Variants in SGCZ observed in about 807,000 individuals in gnomAD.
SGCZ encodes zeta-sarcoglycan.
Under a neutral mutation model 41.3 loss-of-function variants are expected in SGCZ, and 40 were observed. The ratio of observed to expected loss-of-function variants is 0.97; its 90% confidence interval spans 0.75 to 1.26. The LOEUF (loss-of-function observed/expected upper bound fraction) is 1.26. SGCZ is among the 50% of genes most tolerant of loss of function. SGCZ has a pLI of 0.00. For synonymous variants in SGCZ, 206 were observed against 137.5 expected (o/e 1.50, Z -3.49); for missense variants, 552 against 369.8 (o/e 1.49, Z -4.04).
intron 1 of SGCZ, among the ~76,000 whole-genome samples, chr8:14,739,399 C>G (rs1323779995): frequency 6.6e-6 from 1 of 151,906 alleles, no homozygotes; most frequent in Non-Finnish European, 1.5e-5. Flanking sequence ...CATTAATTAT[C>G]CACAAACTTC....
At chr8:14,940,779 A>G (rs1035337448) in intron 1 of SGCZ, among the ~76,000 whole-genome samples, 2 of 152,158 alleles carry the variant, frequency 1.3e-5, no homozygotes, top group East Asian at 1.9e-4. Flanking sequence ...TTGTGTACAC[A>G]TGGTCAAAGA....
At chr8:14,940,004 G>T (rs1193969922) in intron 1 of SGCZ, among the ~76,000 whole-genome samples, 1 of 152,132 alleles carries the variant, frequency 6.6e-6, no homozygotes, top group African/African-American at 2.4e-5. Flanking sequence ...ACAGTCAATA[G>T]AAGTAATTCA....
chr8:14,782,291 T>G (rs1449262530), intron 1 of SGCZ, among the ~76,000 whole-genome samples: 1 of 152,214 alleles, frequency 6.6e-6, no homozygotes, highest in African/African-American at 2.4e-5. Flanking sequence ...GAAAATCAGA[T>G]TTCAATACAG....
chr8:14,212,027 G>C (rs143438523), intron 4 of SGCZ, among the ~76,000 whole-genome samples: 1 of 152,218 alleles, frequency 6.6e-6, no homozygotes, highest in East Asian at 1.9e-4. Flanking sequence ...GATAGTGACT[G>C]TTCCTCTATC....
chr8:14,383,404 T>C (rs770324510), intron 2 of SGCZ, among the ~76,000 whole-genome samples: 1 of 152,220 alleles, frequency 6.6e-6, no homozygotes, highest in Non-Finnish European at 1.5e-5. Context: ...AGTGACCATA[T>C]GTCCCAATTT....
intron 1 of SGCZ, among the ~76,000 whole-genome samples, chr8:14,915,490 T>G (rs1799406634): frequency 6.6e-6 from 1 of 152,086 alleles, no homozygotes; most frequent in Non-Finnish European, 1.5e-5. Context: ...CACGGGTGAA[T>G]GCCAGAAGGA....
intron 3 of SGCZ, among the ~76,000 whole-genome samples, chr8:14,261,370 A>C (rs1799659416): frequency 6.6e-6 from 1 of 152,178 alleles, no homozygotes; most frequent in South Asian, 2.1e-4. Context: ...GTAGGTTTTA[A>C]AGAAAGTAAG....
At chr8:14,723,998 C>G (rs1313799959) in intron 1 of SGCZ, among the ~76,000 whole-genome samples, 8 of 151,938 alleles carry the variant, frequency 5.3e-5, no homozygotes, top group Admixed American at 5.2e-4. Context: ...AAGGAATAGC[C>G]TACTGCAATG....
At chr8:14,502,994 A>G (rs1327935706) in intron 2 of SGCZ, among the ~76,000 whole-genome samples, 1 of 152,216 alleles carries the variant, frequency 6.6e-6, no homozygotes, top group African/African-American at 2.4e-5. Flanking sequence ...ACACATGCAC[A>G]TGTATGTTTA....
At chr8:14,690,256 G>C (rs1808756924) in intron 1 of SGCZ, 1 of 151,940 alleles carries the variant, frequency 6.6e-6, no homozygotes, top group African/African-American at 2.4e-5. Context: ...TCTTAAGTAT[G>C]TAGTTTATCC....
intron 1 of SGCZ, among the ~76,000 whole-genome samples, chr8:15,010,977 C>T (rs1477770676): frequency 6.6e-6 from 1 of 152,150 alleles, no homozygotes; most frequent in Non-Finnish European, 1.5e-5. Flanking sequence ...GACAGTGCTT[C>T]ATCTATTGTG....
intron 2 of SGCZ, among the ~76,000 whole-genome samples, chr8:14,448,800 C>A (rs1028616790): frequency 6.6e-6 from 1 of 152,178 alleles, no homozygotes; most frequent in African/African-American, 2.4e-5. Context: ...CCCTACCAGT[C>A]TTTCTGGCCT....
chr8:14,174,048 TAG>T (rs1312517440), intron 4 of SGCZ, among the ~76,000 whole-genome samples: 2 of 151,966 alleles, frequency 1.3e-5, no homozygotes, highest in African/African-American at 4.8e-5. Context: ...TAATGAAAAA[TAG>T]AGTTTCAAAC....
rs962730714 is a variant in SGCZ, at chr8:14,346,598, T to A, written c.235-22394A>T. 2.6e-5 allele frequency among the ~76,000 whole-genome samples: 4 copies of A among 151,994 alleles called. No homozygotes were observed. In the East Asian group the frequency reaches 7.7e-4, roughly 29 times the overall value. On this transcript the variant is annotated intron_variant, in intron 2 of 7. Coordinates refer to ENST00000382080, the MANE Select transcript of SGCZ (RefSeq NM_139167.4). Reference sequence around the variant, plus strand: ...ATGTCAAATGCATATAAGCAATAAATCTTATATTCATTTATCTTATCACAA... The same window carrying A: ...ATGTCAAATGCATATAAGCAATAAAACTTATATTCATTTATCTTATCACAA...
intron 3 of SGCZ, among the ~76,000 whole-genome samples, chr8:14,259,539 T>G (rs1799580226): frequency 6.9e-6 from 1 of 145,470 alleles, no homozygotes; most frequent in African/African-American, 2.5e-5. Context: ...GGCTAGCCAG[T>G]TTTCCCAGCA....
At chr8:14,159,823 A>AT (rs1279627116) in intron 5 of SGCZ, among the ~76,000 whole-genome samples, 3 of 152,170 alleles carry the variant, frequency 2.0e-5, no homozygotes, top group Admixed American at 2.0e-4. Context: ...CAGTGTGCCA[A>AT]TTTAATAGAC....
chr8:14,987,734 A>G (rs1243657739), intron 1 of SGCZ, among the ~76,000 whole-genome samples: 1 of 151,946 alleles, frequency 6.6e-6, no homozygotes, highest in Admixed American at 6.6e-5. Flanking sequence ...TTAAATCTAA[A>G]CCATTTACAC....
chr8:14,985,240 A>G (rs117514553), intron 1 of SGCZ, among the ~76,000 whole-genome samples: 3,108 of 152,208 alleles, frequency 0.02, 49 homozygotes, highest in Middle Eastern at 0.061. Context: ...CTTTTTTTCT[A>G]TATTATCCCT....
chr8:14,346,365 C>A (rs941462763), intron 2 of SGCZ, among the ~76,000 whole-genome samples: 3 of 151,966 alleles, frequency 2.0e-5, no homozygotes, highest in African/African-American at 7.2e-5. Context: ...TATATAGGAA[C>A]AAAACATTCT....
Sources: allele counts gnomAD v4.1 joint callset (sites outside exome capture counted in the v4.1 genomes callset), GRCh38; gene constraint gnomAD v4.1.1; transcripts MANE v1.5; gene names NCBI Gene and HGNC (gene_info 2026-07-23, HGNC 2026-07-21).